Variants in ADAMTS20 observed in about 807,000 individuals in gnomAD.
The protein encoded by ADAMTS20 is A disintegrin and metalloproteinase with thrombospondin motifs 20.
Under a neutral mutation model 260.1 loss-of-function variants are expected in ADAMTS20, and 225 were observed. That is an observed-to-expected ratio of 0.87 (90% CI 0.78 to 0.97). The LOEUF (loss-of-function observed/expected upper bound fraction) is 0.97, where lower values mean the gene tolerates loss of function less well. Among genes scored for constraint, ADAMTS20 ranks in the 50% least tolerant of loss-of-function variants. The pLI is 0.00. For missense variants in ADAMTS20, 2,400 were observed against 2,337.7 expected (o/e 1.03, Z -0.55); for synonymous variants, 802 against 769.5 (o/e 1.04, Z -0.70).
chr12:43,364,905 A>G (rs1304588889), intron 37 of ADAMTS20, among the ~76,000 whole-genome samples: 1 of 152,142 alleles, frequency 6.6e-6, no homozygotes, highest in East Asian at 1.9e-4. Context: ...TTACCCATCC[A>G]AGAAGCTTAG....
rs1188887055 is a variant in ADAMTS20, at chr12:43,460,979, TA to T, written c.1614+1915del. ...CACAACTAAATTATATATATATATA[TA>T]TATATATATTTTTTTTTTTTTTTTT... On this transcript the variant is annotated intron_variant, in intron 11 of 38. Coordinates refer to ENST00000389420, the MANE Select transcript of ADAMTS20 (RefSeq NM_025003.5). Among the ~76,000 whole-genome samples, 5 of 55,802 alleles carry T rather than the reference TA, an allele frequency of 9.0e-5. 1 individual carries two copies. In the East Asian group the frequency reaches 8.5e-3, roughly 95 times the overall value. 36.6% of individuals were successfully genotyped at this position (55,802 alleles called of 152,430 possible).
intron 2 of ADAMTS20, among the ~76,000 whole-genome samples, chr12:43,538,332 T>C (rs536807299): frequency 6.6e-6 from 1 of 152,388 alleles, no homozygotes; most frequent in Admixed American, 6.5e-5. Flanking sequence ...AGAAAGTCTA[T>C]TCAAATCTTT....
intron 10 of ADAMTS20, 62 bp from the exon 11 acceptor site, chr12:43,463,061 T>C (rs1403425278): frequency 8.8e-7 from 1 of 1,131,122 alleles, no homozygotes; most frequent in Non-Finnish European, 1.3e-6. Context: ...CTGGTTCAAT[T>C]CAGTATTACA....
At chr12:43,509,132 A>G (rs570753332) in intron 3 of ADAMTS20, among the ~76,000 whole-genome samples, 1 of 152,216 alleles carries the variant, frequency 6.6e-6, no homozygotes, top group African/African-American at 2.4e-5. Context: ...TATATGTACC[A>G]TATTTTCTCT....
At chr12:43,353,436 CA>C (rs1237504020), downstream of ADAMTS20, among the ~76,000 whole-genome samples, 2 of 151,684 alleles carry the variant, frequency 1.3e-5, no homozygotes, top group African/African-American at 4.8e-5. Context: ...ATTATAAAGG[CA>C]AAACAGAATA....
At chr12:43,363,689 T>A (rs1304927536) in intron 37 of ADAMTS20, among the ~76,000 whole-genome samples, 1 of 152,204 alleles carries the variant, frequency 6.6e-6, no homozygotes, top group Admixed American at 6.5e-5. Flanking sequence ...CAAGTTTAGG[T>A]ACTTTCTGGA....
At chr12:43,360,427 C>T (rs554026554) in intron 37 of ADAMTS20, among the ~76,000 whole-genome samples, 10 of 151,736 alleles carry the variant, frequency 6.6e-5, no homozygotes, top group East Asian at 3.9e-4. Flanking sequence ...CCAGCCTGGG[C>T]GACAGAGCAC....
chr12:43,368,815 G>A (rs1160321597), intron 37 of ADAMTS20, among the ~76,000 whole-genome samples: 1 of 152,036 alleles, frequency 6.6e-6, no homozygotes, highest in Admixed American at 6.6e-5. Flanking sequence ...CATGTGAAGA[G>A]AACTCTAGAA....
intron 7 of ADAMTS20, among the ~76,000 whole-genome samples, chr12:43,482,161 G>C (rs1252243532): frequency 6.6e-6 from 1 of 152,180 alleles, no homozygotes; most frequent in African/African-American, 2.4e-5. Flanking sequence ...AACGAACCTC[G>C]CAAAAGTTGG....
chr12:43,369,543 T>C (rs1004516636), intron 36 of ADAMTS20, among the ~76,000 whole-genome samples, 162 bp from the exon 37 acceptor site: 4 of 152,060 alleles, frequency 2.6e-5, no homozygotes, highest in African/African-American at 9.7e-5. Flanking sequence ...TATCATAGAA[T>C]AAGCTCTCAT....
intron 36 of ADAMTS20, among the ~76,000 whole-genome samples, chr12:43,373,890 G>A (rs910096077): frequency 2.0e-5 from 3 of 151,180 alleles, no homozygotes; most frequent in African/African-American, 7.3e-5. Context: ...CGTTTTAGCC[G>A]GGATGGTCTC....
intron 3 of ADAMTS20, among the ~76,000 whole-genome samples, chr12:43,517,349 C>G (rs1012064698): frequency 6.6e-6 from 1 of 151,862 alleles, no homozygotes; most frequent in Non-Finnish European, 1.5e-5. Context: ...AGCAAGGTTG[C>G]TGAATATAGG....
At chr12:43,532,482 G>A (rs1334059240) in intron 2 of ADAMTS20, among the ~76,000 whole-genome samples, 1 of 151,048 alleles carries the variant, frequency 6.6e-6, no homozygotes, top group Non-Finnish European at 1.5e-5. Flanking sequence ...TGGAAAAAGT[G>A]TTTAGAATAG....
intron 11 of ADAMTS20, among the ~76,000 whole-genome samples, chr12:43,459,283 C>A (rs890582617): frequency 6.6e-6 from 1 of 152,192 alleles, no homozygotes; most frequent in Non-Finnish European, 1.5e-5. Context: ...CCGCTCCCCA[C>A]AGGGCTAAAG....
chr12:43,544,223 G>A (rs915784039), intron 2 of ADAMTS20, among the ~76,000 whole-genome samples: 14 of 152,310 alleles, frequency 9.2e-5, no homozygotes, highest in South Asian at 4.1e-4. Flanking sequence ...AGGTATCATC[G>A]GAAGAGATTT....
chr12:43,452,066 G>A (rs1280563341), intron 14 of ADAMTS20, among the ~76,000 whole-genome samples: 1 of 151,976 alleles, frequency 6.6e-6, no homozygotes, highest in Non-Finnish European at 1.5e-5. Flanking sequence ...TTATCTTAAT[G>A]CTTTGTTGAG....
At chr12:43,475,653 T>A (rs1490644105) in intron 7 of ADAMTS20, among the ~76,000 whole-genome samples, 2 of 150,992 alleles carry the variant, frequency 1.3e-5, no homozygotes, top group African/African-American at 4.9e-5. Context: ...GAGATATAGA[T>A]CAATGGAACA....
At chr12:43,391,166 T>C (rs1484518062) in intron 29 of ADAMTS20, among the ~76,000 whole-genome samples, 4 of 152,158 alleles carry the variant, frequency 2.6e-5, no homozygotes, top group Non-Finnish European at 5.9e-5. Flanking sequence ...GTCACATGGG[T>C]GAAGGAACAA....
At chr12:43,415,304 T>C (rs972446188) in intron 28 of ADAMTS20, among the ~76,000 whole-genome samples, 1 of 152,166 alleles carries the variant, frequency 6.6e-6, no homozygotes, top group East Asian at 1.9e-4. Context: ...TTCATTGAAC[T>C]GGACCATTAT....
Sources: allele counts gnomAD v4.1 joint callset (sites outside exome capture counted in the v4.1 genomes callset), GRCh38; gene constraint gnomAD v4.1.1; transcripts MANE v1.5; gene names NCBI Gene and HGNC (gene_info 2026-07-23, HGNC 2026-07-21).